OGFRL1: variants seen among roughly 807,000 people sequenced by gnomAD.
OGFRL1 encodes the protein opioid growth factor receptor-like protein 1.
Under a neutral mutation model 32.4 loss-of-function variants are expected in OGFRL1, and 26 were observed. The ratio of observed to expected loss-of-function variants is 0.80; its 90% CI spans 0.59 to 1.11. The LOEUF is 1.11. OGFRL1 is among the 50% of genes most tolerant of loss of function. The pLI is 0.00. For missense variants in OGFRL1, 521 were observed against 546.4 expected (o/e 0.95, Z 0.46); for synonymous variants, 211 against 201.2 (o/e 1.05, Z -0.41).
At chr6:71,292,951 A>G (rs1279519043) in intron 1 of OGFRL1, among the ~76,000 whole-genome samples, 1 of 152,244 alleles carries the variant, frequency 6.6e-6, no homozygotes, top group East Asian at 1.9e-4. Context: ...AATCACTTGC[A>G]TAATCATCTG....
rs1439310740 is a variant in OGFRL1, at chr6:71,289,929, G to C, written c.234+759G>C. On this transcript the variant is annotated intron_variant, in intron 1 of 6. Transcript: ENST00000370435. ...AGTGTGCATCCTGGAGGTGGTTCAGGTTTGCCGCTCCACATTAGGCCCTTC... is the reference window on the plus strand; with the variant it reads ...AGTGTGCATCCTGGAGGTGGTTCAGCTTTGCCGCTCCACATTAGGCCCTTC... 4 of 561,528 alleles carry C rather than the reference G, an allele frequency of 7.1e-6. No homozygotes were observed. In the African/African-American group the frequency reaches 8.2e-5, roughly 11 times the overall value. The allele number at this position is 561,528 out of a possible 1,614,324, so 34.8% of individuals were successfully genotyped here. A position where few individuals can be genotyped will look rare whatever the true frequency, so the allele number is the denominator to read the frequency against.
At chr6:71,294,669 G>A (rs1766148324) in intron 3 of OGFRL1, among the ~76,000 whole-genome samples, 1 of 152,184 alleles carries the variant, frequency 6.6e-6, no homozygotes. Context: ...CTGCTGTGAT[G>A]TGGAATGAAA....
In OGFRL1 at chr6:71,296,658, A is replaced by G. The variant is rs1009884865; in HGVS notation, c.547-14A>G. On this transcript the variant is annotated splice_polypyrimidine_tract_variant and intron_variant, in intron 5 of 6. Transcript: ENST00000370435. Reference sequence around the variant, plus strand: ...TGAATCATTTCAGGTGACTTTTTTCATTTTTTATATTAGGAATTCAAAAAA... The same window carrying G: ...TGAATCATTTCAGGTGACTTTTTTCGTTTTTTATATTAGGAATTCAAAAAA... The G allele has an allele frequency of 1.9e-6, 3 of 1,607,364 alleles. No individual in the cohort carries two copies. The highest frequency in any genetic ancestry group is 2.5e-6 in the Non-Finnish European group (3 of 1,177,722).
At chr6:71,295,461 G>C (rs747639932) in intron 3 of OGFRL1, 1 of 152,164 alleles carries the variant, frequency 6.6e-6, no homozygotes, top group African/African-American at 2.4e-5. Context: ...GACAGACTTA[G>C]GAACAGGAGG....
chr6:71,301,642 A>G lies in OGFRL1; in HGVS notation c.949A>G (p.Lys317Glu), dbSNP rs1766393198. The G allele has an allele frequency of 1.2e-6, 2 of 1,614,134 alleles. No homozygotes were observed. The highest frequency in any genetic ancestry group is 1.7e-6 in the Non-Finnish European group (2 of 1,180,016). Residue 317 changes from lysine (K) to glutamate (E), a missense_variant, in exon 7 of 7, where the codon AAA becomes GAA. Physicochemically the swap from Lys to Glu is moderately conservative, Grantham distance 56. Transcript: ENST00000370435. The part of the protein sequence containing the change: ...SENFIWGPPR[K>E]EQSEGSKAQK... ...GAACTTTATCTGGGGACCGCCTCGAAAAGAACAGTCGGAGGGAAGCAAAGC... is the reference window on the plus strand; with the variant it reads ...GAACTTTATCTGGGGACCGCCTCGAGAAGAACAGTCGGAGGGAAGCAAAGC...
At chr6:71,295,961 C>A (rs1277914349) in intron 3 of OGFRL1, 1 of 180,862 alleles carries the variant, frequency 5.5e-6, no homozygotes, top group East Asian at 1.5e-4. Context: ...CTACACAGCT[C>A]TGCTACTGTA....
Position 71,302,169 on chromosome 6 carries a change from C to A in OGFRL1, c.*120C>A. Reference sequence around the variant, plus strand: ...TTAGCCATCTGTTTGTGATTTCTGTCATAAGCATTTTGTTGTTTGTTTTTT... The same window carrying A: ...TTAGCCATCTGTTTGTGATTTCTGTAATAAGCATTTTGTTGTTTGTTTTTT... On this transcript the variant is annotated 3_prime_UTR_variant, in exon 7 of 7. Coordinates refer to ENST00000370435, the MANE Select transcript of OGFRL1 (RefSeq NM_024576.5). The A allele has an allele frequency of 1.2e-6, 1 of 826,756 alleles. No individual in the cohort carries two copies. The highest frequency in any genetic ancestry group is 1.7e-6 in the Non-Finnish European group (1 of 572,220). The allele number at this position is 826,756 out of a possible 1,614,324, so 51.2% of individuals were successfully genotyped here. A position where few individuals can be genotyped will look rare whatever the true frequency, so the allele number is the denominator to read the frequency against.
chr6:71,289,392 G>C (rs1765969956), intron 1 of OGFRL1: 1 of 984,876 alleles, frequency 1.0e-6, no homozygotes, highest in South Asian at 4.7e-5. Context: ...CTGGGGCCTG[G>C]CCGAGGGCAC....
rs1325792057 is a variant in OGFRL1, at chr6:71,305,820, G to T, written c.*3771G>T. 3 of 152,178 alleles carry T rather than the reference G, an allele frequency of 2.0e-5. No individual in the cohort carries two copies. Among genetic ancestry groups the T allele is most frequent in the Admixed American group, 2.0e-4 (3 of 15,282 alleles). The allele number at this position is 152,178 out of a possible 1,614,324, so 9.4% of individuals were successfully genotyped here. A position where few individuals can be genotyped will look rare whatever the true frequency, so the allele number is the denominator to read the frequency against. ...AGTAAATGAACCTCAACACTGAGTG[G>T]TCAAAAATTGGGTTAACCAATGGGG... On this transcript the variant is annotated 3_prime_UTR_variant, in exon 7 of 7. Transcript: ENST00000370435.
At chr6:71,289,905 G>A (rs1765994656) in intron 1 of OGFRL1, 1 of 802,200 alleles carries the variant, frequency 1.2e-6, no homozygotes. Context: ...CCCTGAAGAA[G>A]TGTGCATCCT....
chr6:71,295,578 A>G (rs937557935), intron 3 of OGFRL1: 1 of 152,156 alleles, frequency 6.6e-6, no homozygotes, highest in Non-Finnish European at 1.5e-5. Context: ...CTTTTTTACT[A>G]GTGTGTAACT....
rs770190415 is a variant in OGFRL1, at chr6:71,293,365, C to T, written c.307C>T (p.Arg103Ter). The change falls in exon 2 of 7, where the codon CGA becomes TGA. Residue 103 changes from arginine to a stop codon, truncating the protein, a stop_gained. Transcript: ENST00000370435. LOFTEE classifies it high-confidence loss of function. ...FYAARDLYKY[R>*]HQYPNFKDIR... Reference sequence around the variant, plus strand: ...TGCTGCCAGGGATTTGTACAAGTACCGACACCAGTACCCAGTAAGAGTATA... The same window carrying T: ...TGCTGCCAGGGATTTGTACAAGTACTGACACCAGTACCCAGTAAGAGTATA... 11 of 1,613,580 alleles carry T rather than the reference C, an allele frequency of 6.8e-6. No individual in the cohort carries two copies. The highest frequency in any genetic ancestry group is 1.7e-5 in the Admixed American group (1 of 59,966).
At chr6:71,295,470 G>A (rs771890174) in intron 3 of OGFRL1, 5 of 152,148 alleles carry the variant, frequency 3.3e-5, no homozygotes, top group Non-Finnish European at 5.9e-5. Flanking sequence ...AGGAACAGGA[G>A]GATTTTGTTT....
Position 71,306,148 on chromosome 6 carries a change from G to T in OGFRL1, c.*4099G>T, listed in dbSNP as rs1238629948. 1 of 152,110 alleles carries T rather than the reference G, an allele frequency of 6.6e-6. No homozygotes were observed. Among genetic ancestry groups the T allele is most frequent in the Admixed American group, 6.6e-5 (1 of 15,256 alleles). 9.4% of individuals were successfully genotyped at this position (152,110 alleles called of 1,614,324 possible). A position where few individuals can be genotyped will look rare whatever the true frequency, so the allele number is the denominator to read the frequency against. On this transcript the variant is annotated 3_prime_UTR_variant, in exon 7 of 7. Transcript: ENST00000370435. Reference sequence around the variant, plus strand: ...CCCCTCTCTCATTTGGGGTATATGCGTTGAGTATAAGGTAGGCTGTATTTA... The same window carrying T: ...CCCCTCTCTCATTTGGGGTATATGCTTTGAGTATAAGGTAGGCTGTATTTA...
At chr6:71,300,029 C>T (rs906621700) in intron 6 of OGFRL1, among the ~76,000 whole-genome samples, 4 of 152,116 alleles carry the variant, frequency 2.6e-5, no homozygotes, top group African/African-American at 9.7e-5. Flanking sequence ...CTCTGCCATC[C>T]CTTAATTCAT....
At chr6:71,294,521 C>T (rs1766143780) in intron 3 of OGFRL1, among the ~76,000 whole-genome samples, 1 of 152,172 alleles carries the variant, frequency 6.6e-6, no homozygotes, top group South Asian at 2.1e-4. Flanking sequence ...GGCAAGAGGT[C>T]TAAAGCCTGG....
At chr6:71,293,239 T>C (rs1165288214) in intron 1 of OGFRL1, 54 bp from the exon 2 acceptor site, 2 of 1,453,856 alleles carry the variant, frequency 1.4e-6, no homozygotes, top group South Asian at 1.2e-5. Flanking sequence ...TGGAAATTTC[T>C]TTGTGAAATT....
At position 71,303,223 on chromosome 6, in the gene OGFRL1, A is replaced by G. The variant is rs2149357896; in HGVS notation, c.*1174A>G. On this transcript the variant is annotated 3_prime_UTR_variant, in exon 7 of 7. Transcript: ENST00000370435. ...AGGTATTGTAAGTAATTTAGAGATG[A>G]TTTAAAGTATTTTACATAAGGGACT... 1 of 152,338 alleles carries G rather than the reference A, an allele frequency of 6.6e-6. No individual in the cohort carries two copies. The highest frequency in any genetic ancestry group is 1.5e-5 in the Non-Finnish European group (1 of 68,034). The allele number at this position is 152,338 out of a possible 1,614,324, so 9.4% of individuals were successfully genotyped here.
Position 71,293,549 on chromosome 6 carries a change from GA to G in OGFRL1, c.339del (p.Tyr114IlefsTer5). ...CTTTAGCAGAACTTCAAAGATATCCGATATCAAAATGACTTGAGCAATCTTC... is the reference window on the plus strand; with the variant it reads ...CTTTAGCAGAACTTCAAAGATATCCGTATCAAAATGACTTGAGCAATCTTC... ...RHQYPNFKDIRYQNDLSNLRF... is the reference protein window; with the variant it reads ...RHQYPNFKDIXYQNDLSNLRF... On this transcript the variant is annotated frameshift_variant, in exon 3 of 7. Coordinates refer to ENST00000370435, the MANE Select transcript of OGFRL1 (RefSeq NM_024576.5). LOFTEE classifies it high-confidence loss of function. 2 of 1,612,520 alleles carry G rather than the reference GA, an allele frequency of 1.2e-6. No homozygotes were observed. Among genetic ancestry groups the G allele is most frequent in the Non-Finnish European group, 1.7e-6 (2 of 1,179,064 alleles).
Sources: gnomAD v4.1 joint callset for allele counts (sites outside exome capture counted in the v4.1 genomes callset) on GRCh38, gnomAD v4.1.1 for gene constraint, MANE v1.5 for transcripts, NCBI Gene and HGNC (gene_info 2026-07-23, HGNC 2026-07-21) for gene names.